Variants in EML5 observed in about 807,000 individuals in gnomAD.
The protein encoded by EML5 is echinoderm microtubule-associated protein-like 5.
In EML5, 120 loss-of-function variants were observed where a neutral mutation model predicts 250.0. That is an observed-to-expected ratio of 0.48 (90% CI 0.41 to 0.56). EML5 has a LOEUF of 0.56. Among genes scored for constraint, EML5 ranks in the 20% least tolerant of loss-of-function variants. EML5 has a pLI of 0.00. For missense variants in EML5, 2,006 were observed against 2,437.6 expected, an observed-to-expected ratio of 0.82 and a Z score of 3.73; for synonymous variants, 771 against 806.5, an observed-to-expected ratio of 0.96 and a Z score of 0.75.
At chr14:88,733,935 T>G (rs1319461667) in intron 7 of EML5, among the ~76,000 whole-genome samples, 3 of 151,838 alleles carry the variant, frequency 2.0e-5, no homozygotes, top group Non-Finnish European at 4.4e-5. Flanking sequence ...AAGAAAATAC[T>G]GATAAATTCA....
chr14:88,634,857 A>T (rs2090632476), intron 32 of EML5, among the ~76,000 whole-genome samples: 1 of 152,224 alleles, frequency 6.6e-6, no homozygotes, highest in African/African-American at 2.4e-5. Context: ...AGCAAAGGTT[A>T]CTATATAACT....
Position 88,626,634 on chromosome 14 carries a change from C to A in EML5, c.4740+204G>T, listed in dbSNP as rs80273667. On this transcript the variant is annotated intron_variant, in intron 35 of 43. Coordinates refer to ENST00000554922, the MANE Select transcript of EML5 (RefSeq NM_183387.3). ...ACTGTGTCAAAAAAAAAAAAAAATC[C>A]TTTTCCCCCTCTCATTAACATTCTT... 3.0e-3 allele frequency: 1,791 copies of A among 588,422 alleles called. 12 individuals carry two copies. In the African/African-American group the frequency reaches 0.031, roughly 10 times the overall value. The allele number at this position is 588,422 out of a possible 1,614,324, so 36.5% of individuals were successfully genotyped here.
intron 1 of EML5, among the ~76,000 whole-genome samples, chr14:88,769,025 T>C (rs918083076): frequency 6.6e-5 from 10 of 152,200 alleles, no homozygotes; most frequent in African/African-American, 2.4e-4. Context: ...GGGCAAAAAT[T>C]AGTTCTTAAA....
intron 27 of EML5, among the ~76,000 whole-genome samples, chr14:88,655,702 G>C (rs2091842480): frequency 6.6e-6 from 1 of 151,912 alleles, no homozygotes; most frequent in African/African-American, 2.4e-5. Context: ...CTACAGAATG[G>C]GAGAAAATTT....
chr14:88,615,971 C>G (rs1399245313), intron 43 of EML5, 117 bp from the exon 44 acceptor site: 3 of 1,307,130 alleles, frequency 2.3e-6, no homozygotes, highest in African/African-American at 1.5e-5. Flanking sequence ...CTCTTTAACT[C>G]CTTTTATTCT....
chr14:88,676,443 G>C (rs1329907627), intron 21 of EML5, among the ~76,000 whole-genome samples: 1 of 152,132 alleles, frequency 6.6e-6, no homozygotes, highest in Non-Finnish European at 1.5e-5. Flanking sequence ...CACGAGAACA[G>C]CACGGGAAAG....
chr14:88,773,840 C>T (rs747847316), intron 1 of EML5, among the ~76,000 whole-genome samples: 8 of 152,042 alleles, frequency 5.3e-5, no homozygotes, highest in Non-Finnish European at 1.0e-4. Context: ...TTACTGGGGC[C>T]GGGCATAGTG....
chr14:88,767,008 T>G (rs1363369130), intron 1 of EML5, among the ~76,000 whole-genome samples: 1 of 152,238 alleles, frequency 6.6e-6, no homozygotes, highest in Non-Finnish European at 1.5e-5. Flanking sequence ...TTGTCTTTTC[T>G]TGTATAAATT....
At chr14:88,791,356 C>T (rs76507191) in intron 1 of EML5, among the ~76,000 whole-genome samples, 3,277 of 152,272 alleles carry the variant, frequency 0.022, 136 homozygotes, top group African/African-American at 0.074. Context: ...GAGCACCACA[C>T]AAACACATTC....
At position 88,649,314 on chromosome 14, in the gene EML5, G is replaced by A. The variant is rs2091508554; in HGVS notation, c.4019+598C>T. Reference sequence around the variant, plus strand: ...GCCTTCCCAAGTGCTGAGATTACAGGCCTGAGCCACAATTACAGGCCTGAG... The same window carrying A: ...GCCTTCCCAAGTGCTGAGATTACAGACCTGAGCCACAATTACAGGCCTGAG... On this transcript the variant is annotated intron_variant, in intron 28 of 43. Transcript: ENST00000554922. 5.3e-5 allele frequency among the ~76,000 whole-genome samples: 8 copies of A among 152,160 alleles called. No individual in the cohort carries two copies. In the South Asian group the frequency reaches 1.2e-3, roughly 24 times the overall value.
intron 1 of EML5, among the ~76,000 whole-genome samples, chr14:88,769,579 CT>C (rs1336645326): frequency 6.6e-6 from 1 of 152,140 alleles, no homozygotes; most frequent in East Asian, 1.9e-4. Flanking sequence ...TAGAAATGCA[CT>C]TGTAAAATAC....
intron 29 of EML5, among the ~76,000 whole-genome samples, chr14:88,646,243 T>C (rs976550420): frequency 2.0e-5 from 3 of 152,210 alleles, no homozygotes; most frequent in Non-Finnish European, 4.4e-5. Flanking sequence ...GTAAATGTGC[T>C]ATATCTTAAA....
At chr14:88,771,271 G>A (rs2094390383) in intron 1 of EML5, among the ~76,000 whole-genome samples, 2 of 152,128 alleles carry the variant, frequency 1.3e-5, no homozygotes, top group African/African-American at 4.8e-5. Flanking sequence ...CAGCAGATAA[G>A]CCTGTCTTGT....
intron 33 of EML5, among the ~76,000 whole-genome samples, chr14:88,628,183 TAAAC>T (rs1304043816): frequency 1.3e-5 from 2 of 152,120 alleles, no homozygotes; most frequent in Non-Finnish European, 2.9e-5. Context: ...ATACAAATAT[TAAAC>T]AATAAATATT....
chr14:88,748,688 T>C (rs1469303189), intron 2 of EML5, among the ~76,000 whole-genome samples: 2 of 152,134 alleles, frequency 1.3e-5, no homozygotes, highest in Admixed American at 6.5e-5. Context: ...AGACATTTGC[T>C]GTTAAAATTA....
At chr14:88,716,423 T>G (rs1196361999) in intron 8 of EML5, among the ~76,000 whole-genome samples, 1 of 152,164 alleles carries the variant, frequency 6.6e-6, no homozygotes, top group Non-Finnish European at 1.5e-5. Context: ...AAGTTAACAT[T>G]AAATCCATAT....
At position 88,712,377 on chromosome 14, in the gene EML5, A is replaced by G. The variant is rs775273383; in HGVS notation, c.1551T>C (p.Asp517=). 1.2e-6 allele frequency: 2 copies of G among 1,613,526 alleles called. No individual in the cohort carries two copies. The highest frequency in any genetic ancestry group is 2.2e-5 in the East Asian group (1 of 44,806). The change falls in exon 10 of 44, where the codon GAT becomes GAC. Residue 517 remains aspartate (D), a synonymous_variant. Transcript: ENST00000554922. ...EVNGIWPKYS[D]INDINSVDGN... Reference sequence around the variant, plus strand: ...CATCTACTGAATTTATATCGTTGATATCTGAATACTTGGGCCAAATTCCAT... The same window carrying G: ...CATCTACTGAATTTATATCGTTGATGTCTGAATACTTGGGCCAAATTCCAT...
At position 88,620,838 on chromosome 14, in the gene EML5, T is replaced by G; in HGVS notation, c.5291A>C (p.Asn1764Thr). 6.2e-7 allele frequency: 1 copy of G among 1,600,556 alleles called. No individual in the cohort carries two copies. ...CACTAGTAAAATGATAAATTCTCCA[T>G]TTTTCATTCCAATAGCCACCATGTC... ...EGDMVAIGMK[N>T]GEFIILLVSS... Residue 1764 changes from asparagine (N) to threonine (T), a missense_variant, in exon 39 of 44, where the codon AAT becomes ACT. Around this residue, in one of 7 missense-constraint regions of EML5, gnomAD observed 405 missense variants for 523.3 expected, o/e 0.77. Coordinates refer to ENST00000554922, the MANE Select transcript of EML5 (RefSeq NM_183387.3). The surrounding 1 kb of genome is among the most constrained non-coding windows in gnomAD (Gnocchi z 4.3).
At chr14:88,748,297 A>G (rs537292907) in intron 2 of EML5, among the ~76,000 whole-genome samples, 8 of 152,338 alleles carry the variant, frequency 5.3e-5, no homozygotes, top group African/African-American at 1.7e-4. Flanking sequence ...AAAGCAAAAA[A>G]TTCTCAGAGA....
Sources: allele counts gnomAD v4.1 joint callset (sites outside exome capture counted in the v4.1 genomes callset), GRCh38; gene constraint gnomAD v4.1.1; regional missense constraint gnomAD v4.1.1; non-coding constraint Gnocchi (gnomAD v3.1); transcripts MANE v1.5; gene names NCBI Gene and HGNC (gene_info 2026-07-23, HGNC 2026-07-21).